XIRP2: variants seen among roughly 807,000 people sequenced by gnomAD.
XIRP2 encodes the protein xin actin binding repeat containing 2, also known as xin actin-binding repeat-containing protein 2.
In XIRP2, 236 loss-of-function variants were observed where a neutral mutation model predicts 277.0. The ratio of observed to expected loss-of-function variants is 0.85; its 90% confidence interval spans 0.77 to 0.95. The LOEUF is 0.95. XIRP2 is among the 40% of genes least tolerant of loss of function. XIRP2 has a pLI of 0.00. For synonymous variants in XIRP2, 1,490 were observed against 1,416.5 expected, an observed-to-expected ratio of 1.05 and a Z score of -1.17; for missense variants, 4,640 against 4,157.5, an observed-to-expected ratio of 1.12 and a Z score of -3.19.
chr2:166,972,832 A>G (rs1407627603), intron 2 of XIRP2, among the ~76,000 whole-genome samples: 2 of 152,156 alleles, frequency 1.3e-5, no homozygotes, highest in Non-Finnish European at 2.9e-5. Context: ...AGGTATAGCT[A>G]GTGATAAATG....
intron 2 of XIRP2, among the ~76,000 whole-genome samples, chr2:166,910,356 A>C (rs952763597): frequency 6.6e-6 from 1 of 152,046 alleles, no homozygotes; most frequent in Non-Finnish European, 1.5e-5. Context: ...TGTATGTGTC[A>C]AGGAATTTAT....
In XIRP2 at chr2:167,246,269, G is replaced by A; in HGVS notation, c.4877G>A (p.Ser1626Asn). Residue 1626 changes from serine (S) to asparagine (N), a missense_variant, in exon 9 of 11, where the codon AGT becomes AAT. Transcript: ENST00000409195. ...RDCTEREILI[S>N]EEEKGNVNLT... ...TGTACTGAAAGAGAGATTTTGATTA[G>A]TGAAGAAGAGAAGGGAAATGTTAAT... is the stretch of plus-strand genomic sequence containing the variant. 1 of 1,613,376 alleles carries A rather than the reference G, an allele frequency of 6.2e-7. No individual in the cohort carries two copies.
Position 167,258,889 on chromosome 2 carries a change from G to A in XIRP2, c.*1072G>A. 6.2e-7 allele frequency: 1 copy of A among 1,613,198 alleles called. No individual in the cohort carries two copies. Among genetic ancestry groups the A allele is most frequent in the South Asian group, 1.1e-5 (1 of 91,058 alleles). ...GGAATGTACTAGCAATGGCTCTGAA[G>A]AAACAGACTGACAGAGCAGCTGCTG... On this transcript the variant is annotated 3_prime_UTR_variant, in exon 11 of 11. Coordinates refer to ENST00000409195, the MANE Select transcript of XIRP2 (RefSeq NM_152381.6).
chr2:167,149,909 G>C (rs1049629698), intron 3 of XIRP2, among the ~76,000 whole-genome samples: 1 of 151,902 alleles, frequency 6.6e-6, no homozygotes, highest in Non-Finnish European at 1.5e-5. Flanking sequence ...GGAGGCATCT[G>C]CCAAGAAAGA....
chr2:167,089,600 T>C (rs913153846), intron 2 of XIRP2, among the ~76,000 whole-genome samples: 3 of 152,184 alleles, frequency 2.0e-5, no homozygotes, highest in Admixed American at 1.3e-4. Flanking sequence ...TATGTGTGTG[T>C]GTGTATTACT....
chr2:167,170,980 CCCTCCG>C (rs1692674065), intron 3 of XIRP2, among the ~76,000 whole-genome samples: 1 of 149,022 alleles, frequency 6.7e-6, no homozygotes, highest in Non-Finnish European at 1.5e-5. Flanking sequence ...GCTCACTGCA[CCCTCCG>C]CCTCCAGGGT....
intron 5 of XIRP2, among the ~76,000 whole-genome samples, chr2:167,232,260 T>G (rs1195741355): frequency 1.3e-5 from 2 of 151,990 alleles, no homozygotes; most frequent in Admixed American, 1.3e-4. Context: ...AGGTATGAGT[T>G]CATGAAAGAC....
chr2:167,213,190 A>G (rs373802257), intron 4 of XIRP2, among the ~76,000 whole-genome samples: 1 of 152,300 alleles, frequency 6.6e-6, no homozygotes. Flanking sequence ...AGGGAGAAGT[A>G]ACACTTGTTG....
intron 2 of XIRP2, among the ~76,000 whole-genome samples, chr2:167,009,203 TC>T (rs1687592679): frequency 8.2e-6 from 1 of 121,484 alleles, no homozygotes; most frequent in African/African-American, 3.1e-5. Flanking sequence ...CCTAAAGTTA[TC>T]CCTCCCCCCT....
In XIRP2 at chr2:167,064,595, A is replaced by G. The variant is rs139739773; in HGVS notation, c.409-71314A>G. ...GTTAAGGGTATTCACACTGCTTTGC[A>G]ACCAATCCCCAGAACTTTTCTCATT... On this transcript the variant is annotated intron_variant, in intron 2 of 10. Coordinates refer to ENST00000409195, the MANE Select transcript of XIRP2 (RefSeq NM_152381.6). 5.2e-3 allele frequency among the ~76,000 whole-genome samples: 797 copies of G among 152,022 alleles called. 10 individuals carry two copies. The highest frequency in any genetic ancestry group is 0.038 in the South Asian group (181 of 4,824).
intron 2 of XIRP2, among the ~76,000 whole-genome samples, chr2:167,126,465 A>C (rs1691209268): frequency 6.6e-6 from 1 of 152,172 alleles, no homozygotes; most frequent in Non-Finnish European, 1.5e-5. Flanking sequence ...TACATTACAC[A>C]GGAGCATACA....
At chr2:167,203,790 G>T (rs1371814413) in intron 3 of XIRP2, among the ~76,000 whole-genome samples, 1 of 152,126 alleles carries the variant, frequency 6.6e-6, no homozygotes, top group Non-Finnish European at 1.5e-5. Context: ...TTAGCTGAGG[G>T]ATTTGCAAAT....
chr2:167,151,343 A>G (rs1692010291), intron 3 of XIRP2, among the ~76,000 whole-genome samples: 1 of 152,124 alleles, frequency 6.6e-6, no homozygotes, highest in African/African-American at 2.4e-5. Context: ...TAGAATAAGA[A>G]ATAATAGGAA....
intron 5 of XIRP2, among the ~76,000 whole-genome samples, chr2:167,230,212 G>A (rs1052413643): frequency 6.6e-6 from 1 of 152,086 alleles, no homozygotes; most frequent in Non-Finnish European, 1.5e-5. Flanking sequence ...GCAATTCAAC[G>A]TATAGCAGTG....
intron 2 of XIRP2, among the ~76,000 whole-genome samples, chr2:167,081,992 G>C (rs7424994): frequency 6.6e-6 from 1 of 150,836 alleles, no homozygotes; most frequent in Non-Finnish European, 1.5e-5. Context: ...CATGTGCACA[G>C]TGTGCAGGTT....
intron 2 of XIRP2, among the ~76,000 whole-genome samples, chr2:167,010,366 G>T (rs1484660244): frequency 2.6e-5 from 4 of 151,684 alleles, no homozygotes; most frequent in African/African-American, 9.7e-5. Flanking sequence ...GTTTGTCAAA[G>T]ATCAGATAGT....
intron 1 of XIRP2, among the ~76,000 whole-genome samples, chr2:166,895,698 A>AC (rs1684224276): frequency 6.6e-6 from 1 of 152,100 alleles, no homozygotes; most frequent in Admixed American, 6.6e-5. Context: ...CACAGGCGTT[A>AC]CCCTCTGTTC....
At chr2:166,906,285 A>G (rs576388127) in intron 2 of XIRP2, among the ~76,000 whole-genome samples, 1 of 152,030 alleles carries the variant, frequency 6.6e-6, no homozygotes, top group Non-Finnish European at 1.5e-5. Flanking sequence ...AAATAATTGC[A>G]GTAAATTGAG....
chr2:166,938,248 C>A (rs1196868019), intron 2 of XIRP2, among the ~76,000 whole-genome samples: 1 of 152,156 alleles, frequency 6.6e-6, no homozygotes, highest in African/African-American at 2.4e-5. Flanking sequence ...GTAAATTTCC[C>A]TCTACACACT....
Sources: allele counts gnomAD v4.1 joint callset (sites outside exome capture counted in the v4.1 genomes callset), GRCh38; gene constraint gnomAD v4.1.1; transcripts MANE v1.5; gene names NCBI Gene and HGNC (gene_info 2026-07-23, HGNC 2026-07-21).